Variants in FARP2 observed in about 807,000 individuals in gnomAD.
FARP2 encodes FERM, ARH/RhoGEF and pleckstrin domain protein 2.
FARP2 carries 111 observed loss-of-function variants against 130.5 expected under a neutral mutation model. That is an observed-to-expected ratio of 0.85 (90% CI 0.73 to 1.00). The LOEUF (loss-of-function observed/expected upper bound fraction) is 1.00. Ranked by LOEUF, FARP2 falls within the 50% of genes least tolerant of loss-of-function variation. The pLI, the probability that FARP2 is intolerant of heterozygous loss-of-function variation, is 0.00. For synonymous variants in FARP2, 504 were observed against 516.9 expected, an observed-to-expected ratio of 0.98 and a Z score of 0.34; for missense variants, 1,385 against 1,346.3, an observed-to-expected ratio of 1.03 and a Z score of -0.45.
At chr2:241,454,380 G>A (rs2302012) in intron 13 of FARP2, among the ~76,000 whole-genome samples, 51,908 of 151,816 alleles carry the variant, frequency 0.34, 9,738 homozygotes, top group East Asian at 0.75. Context: ...ATGAGTGGGA[G>A]ACATCTTCCT....
At chr2:241,439,117 G>A (rs2063320741) in intron 12 of FARP2, among the ~76,000 whole-genome samples, 1 of 151,810 alleles carries the variant, frequency 6.6e-6, no homozygotes, top group Non-Finnish European at 1.5e-5. Flanking sequence ...CCAGGCTCCG[G>A]TGATCCTTCC....
intron 13 of FARP2, among the ~76,000 whole-genome samples, chr2:241,452,080 A>G (rs1015983987): frequency 6.6e-6 from 1 of 152,228 alleles, no homozygotes; most frequent in African/African-American, 2.4e-5. Context: ...TCTGATATGC[A>G]TTATCAGTGT....
At chr2:241,461,942 G>A (rs1475338052) in intron 14 of FARP2, among the ~76,000 whole-genome samples, 1 of 152,236 alleles carries the variant, frequency 6.6e-6, no homozygotes. Flanking sequence ...TGTGTTGGGT[G>A]AGGTGTAGAG....
chr2:241,408,583 G>C (rs2150357866), intron 5 of FARP2, among the ~76,000 whole-genome samples: 2 of 151,756 alleles, frequency 1.3e-5, no homozygotes, highest in Middle Eastern at 3.4e-3. Context: ...GTTTCATCTG[G>C]ACAGTAAGGT....
At chr2:241,441,759 G>A (rs2150416706) in intron 13 of FARP2, 2 of 753,912 alleles carry the variant, frequency 2.7e-6, no homozygotes, top group Non-Finnish European at 4.4e-6. Context: ...GTCGTGGGGG[G>A]GCCCCTGCTT....
chr2:241,375,584 G>A (rs2061517909), intron 2 of FARP2, among the ~76,000 whole-genome samples: 1 of 152,042 alleles, frequency 6.6e-6, no homozygotes. Flanking sequence ...TTTTGTGAAG[G>A]TTTTACAATA....
intron 2 of FARP2, among the ~76,000 whole-genome samples, chr2:241,399,310 GT>G (rs2150341294): frequency 6.6e-6 from 1 of 152,126 alleles, no homozygotes; most frequent in East Asian, 1.9e-4. Flanking sequence ...TGTTGGGTTT[GT>G]TTGTTTGTTT....
In FARP2 at chr2:241,413,290, C is replaced by T. The variant is rs1176244741; in HGVS notation, c.509-17C>T. On this transcript the variant is annotated splice_polypyrimidine_tract_variant and intron_variant, in intron 6 of 26. Coordinates refer to ENST00000264042, the MANE Select transcript of FARP2 (RefSeq NM_014808.4). Reference sequence around the variant, plus strand: ...AGTTTATTTAAAAATTAGTTACTTACTTTTAACCTATCTCAGCGGAAATAG... The same window carrying T: ...AGTTTATTTAAAAATTAGTTACTTATTTTTAACCTATCTCAGCGGAAATAG... The T allele has an allele frequency of 1.3e-6, 2 of 1,517,432 alleles. No individual in the cohort carries two copies. The allele number at this position is 1,517,432 out of a possible 1,614,324, so 94.0% of individuals were successfully genotyped here.
At chr2:241,357,133 T>C (rs2150270228) in intron 1 of FARP2, among the ~76,000 whole-genome samples, 1 of 152,328 alleles carries the variant, frequency 6.6e-6, no homozygotes, top group African/African-American at 2.4e-5. Flanking sequence ...AAGGCATCAT[T>C]GAAGGAAAGA....
At chr2:241,396,504 C>G (rs973955035) in intron 2 of FARP2, among the ~76,000 whole-genome samples, 1 of 152,130 alleles carries the variant, frequency 6.6e-6, no homozygotes, top group East Asian at 1.9e-4. Context: ...TCAAACAACC[C>G]CATCAAAAAG....
intron 18 of FARP2, chr2:241,471,506 T>TTGTG (rs61318255): frequency 7.2e-6 from 1 of 139,036 alleles, no homozygotes; most frequent in South Asian, 2.6e-4. Flanking sequence ...TTTTTTTTTT[T>TTGTG]TGTGTGAGAC....
At chr2:241,406,827 A>T (rs2062365992) in intron 4 of FARP2, among the ~76,000 whole-genome samples, 2 of 151,514 alleles carry the variant, frequency 1.3e-5, no homozygotes, top group Non-Finnish European at 2.9e-5. Context: ...TTATTTTTTG[A>T]GACGGAGTCT....
In FARP2 at chr2:241,463,318, CCA is replaced by C; in HGVS notation, c.1678-13_1678-12del. Reference sequence around the variant, plus strand: ...AACAAGAGCCACACCTCCCATCACACCACACTCTTCCCACAGTGGTTCCGCAG... The same window carrying C: ...AACAAGAGCCACACCTCCCATCACACCACTCTTCCCACAGTGGTTCCGCAG... On this transcript the variant is annotated splice_polypyrimidine_tract_variant and intron_variant, in intron 15 of 26. Transcript: ENST00000264042. 1 of 1,612,106 alleles carries C rather than the reference CCA, an allele frequency of 6.2e-7. No homozygotes were observed. Among genetic ancestry groups the C allele is most frequent in the African/African-American group, 1.3e-5 (1 of 75,032 alleles).
chr2:241,379,528 G>GTT (rs2061614180), intron 2 of FARP2, among the ~76,000 whole-genome samples: 1 of 152,154 alleles, frequency 6.6e-6, no homozygotes, highest in Non-Finnish European at 1.5e-5. Context: ...AGAGGCTTTA[G>GTT]GTTAAATAGT....
At chr2:241,406,628 G>T (rs373404767) in intron 4 of FARP2, among the ~76,000 whole-genome samples, 56 of 148,474 alleles carry the variant, frequency 3.8e-4, no homozygotes, top group African/African-American at 1.2e-3. Flanking sequence ...GGGTTTTTTT[G>T]GGGGGGAGAG....
Position 241,475,920 on chromosome 2 carries a change from AC to A in FARP2, c.2197del (p.Leu733CysfsTer4). 1 of 1,614,126 alleles carries A rather than the reference AC, an allele frequency of 6.2e-7. No homozygotes were observed. The highest frequency in any genetic ancestry group is 8.5e-7 in the Non-Finnish European group (1 of 1,179,970). ...TLQHILIRLE[N>X]LQKLTELQRD... Reference sequence around the variant, plus strand: ...CAGCACATTCTCATCCGGCTGGAGAACCTGCAGAAGCTAACGGAGCTGCAGC... The same window carrying A: ...CAGCACATTCTCATCCGGCTGGAGAACTGCAGAAGCTAACGGAGCTGCAGC... On this transcript the variant is annotated frameshift_variant, in exon 19 of 27. Coordinates refer to ENST00000264042, the MANE Select transcript of FARP2 (RefSeq NM_014808.4). LOFTEE classifies it high-confidence loss of function. This position sits in a 1 kb window ranked among gnomAD's most constrained non-coding sequence, Gnocchi z 4.4.
At chr2:241,437,628 G>A (rs557834426) in intron 12 of FARP2, among the ~76,000 whole-genome samples, 5 of 148,824 alleles carry the variant, frequency 3.4e-5, no homozygotes, top group Non-Finnish European at 5.9e-5. Context: ...ATCATGCCTC[G>A]CTGACATATA....
intron 13 of FARP2, among the ~76,000 whole-genome samples, chr2:241,450,717 C>T (rs980477045): frequency 1.3e-5 from 2 of 149,304 alleles, no homozygotes; most frequent in African/African-American, 2.5e-5. Flanking sequence ...CCCAGCAATT[C>T]GGGAGGCTGA....
intron 2 of FARP2, among the ~76,000 whole-genome samples, chr2:241,392,517 A>G (rs556424764): frequency 1.4e-4 from 22 of 152,236 alleles, no homozygotes; most frequent in Admixed American, 2.0e-4. Context: ...CCATTGATAC[A>G]TAAGCTCAGT....
Sources: gnomAD v4.1 joint callset for allele counts (sites outside exome capture counted in the v4.1 genomes callset) on GRCh38, gnomAD v4.1.1 for gene constraint, Gnocchi (gnomAD v3.1) non-coding constraint, MANE v1.5 for transcripts, NCBI Gene and HGNC (gene_info 2026-07-23, HGNC 2026-07-21) for gene names.